FBXL7: variants seen among roughly 807,000 people sequenced by gnomAD.
FBXL7 encodes F-box and leucine rich repeat protein 7.
Under a neutral mutation model 38.3 loss-of-function variants are expected in FBXL7, and 12 were observed. The ratio of observed to expected loss-of-function variants is 0.31; its 90% confidence interval spans 0.20 to 0.51. FBXL7 has a LOEUF of 0.51. Ranked by LOEUF, FBXL7 falls within the 20% of genes least tolerant of loss-of-function variation. The pLI, the probability that FBXL7 is intolerant of heterozygous loss-of-function variation, is 0.98. For synonymous variants in FBXL7, 297 were observed against 300.9 expected (o/e 0.99, Z 0.13); for missense variants, 567 against 676.4 (o/e 0.84, Z 1.79).
At chr5:15,639,690 C>A (rs1741297163) in intron 2 of FBXL7, among the ~76,000 whole-genome samples, 1 of 151,898 alleles carries the variant, frequency 6.6e-6, no homozygotes, top group South Asian at 2.1e-4. Context: ...GCTTCTCTTG[C>A]AAGTTATTGC....
intron 2 of FBXL7, among the ~76,000 whole-genome samples, chr5:15,921,254 G>A (rs867175692): frequency 2.0e-5 from 3 of 151,712 alleles, no homozygotes; most frequent in African/African-American, 4.8e-5. Context: ...GGTGGTGTGC[G>A]CCTGTAGTCC....
At chr5:15,875,682 C>T (rs1055186204) in intron 2 of FBXL7, among the ~76,000 whole-genome samples, 1 of 152,116 alleles carries the variant, frequency 6.6e-6, no homozygotes, top group African/African-American at 2.4e-5. Flanking sequence ...TAGAGAAATG[C>T]AAATCAAAAC....
intron 2 of FBXL7, among the ~76,000 whole-genome samples, chr5:15,924,137 A>G (rs921232848): frequency 2.1e-4 from 32 of 152,180 alleles, no homozygotes; most frequent in African/African-American, 7.5e-4. Flanking sequence ...GCAGTTTTGA[A>G]GTCCAAAATT....
intron 2 of FBXL7, among the ~76,000 whole-genome samples, chr5:15,798,212 A>G (rs925593926): frequency 1.3e-5 from 2 of 152,154 alleles, no homozygotes; most frequent in Non-Finnish European, 2.9e-5. Context: ...CTGATCAGCA[A>G]ACATATCTGT....
chr5:15,729,786 G>T (rs1735523286), intron 2 of FBXL7, among the ~76,000 whole-genome samples: 1 of 152,128 alleles, frequency 6.6e-6, no homozygotes, highest in South Asian at 2.1e-4. Context: ...TGTGCGTCAG[G>T]CAGCATCATA....
intron 2 of FBXL7, among the ~76,000 whole-genome samples, chr5:15,714,765 C>T (rs192148576): frequency 1.4e-5 from 2 of 146,162 alleles, no homozygotes; most frequent in East Asian, 4.2e-4. Flanking sequence ...AGGAGAATGG[C>T]ATGAACCTGG....
intron 2 of FBXL7, among the ~76,000 whole-genome samples, chr5:15,660,132 A>G (rs979238232): frequency 3.9e-5 from 6 of 152,166 alleles, no homozygotes; most frequent in Non-Finnish European, 8.8e-5. Context: ...TCCATCAGCA[A>G]CGGTGTCCCC....
At chr5:15,521,791 C>A (rs1319038703) in intron 1 of FBXL7, among the ~76,000 whole-genome samples, 1 of 152,170 alleles carries the variant, frequency 6.6e-6, no homozygotes, top group Non-Finnish European at 1.5e-5. Context: ...TCTTCTCCTG[C>A]GTGTACTTAA....
chr5:15,658,582 G>C (rs561855756), intron 2 of FBXL7, among the ~76,000 whole-genome samples: 1 of 152,238 alleles, frequency 6.6e-6, no homozygotes, highest in South Asian at 2.1e-4. Flanking sequence ...TGGGAGCATC[G>C]GGAGACTCAT....
intron 2 of FBXL7, among the ~76,000 whole-genome samples, chr5:15,706,777 T>C (rs546860561): frequency 3.3e-5 from 5 of 152,284 alleles, no homozygotes; most frequent in African/African-American, 9.6e-5. Flanking sequence ...AATGGGTGGA[T>C]AGTACTGCTT....
At chr5:15,865,060 T>C (rs1291518846) in intron 2 of FBXL7, among the ~76,000 whole-genome samples, 1 of 152,202 alleles carries the variant, frequency 6.6e-6, no homozygotes, top group Non-Finnish European at 1.5e-5. Context: ...GGATTCTCTT[T>C]ACATGATGGG....
At position 15,500,655 on chromosome 5, in the gene FBXL7, C is replaced by G; in HGVS notation, c.-22C>G. ...CGCAGCTATGGAGTGTCCCGGGAGA[C>G]GGCGGGCATGACGGCTACAGGATGG... On this transcript the variant is annotated 5_prime_UTR_variant, in exon 1 of 4. Coordinates refer to ENST00000504595, the MANE Select transcript of FBXL7 (RefSeq NM_012304.5). The G allele has an allele frequency of 6.2e-7, 1 of 1,613,304 alleles. No individual in the cohort carries two copies. The highest frequency in any genetic ancestry group is 1.1e-5 in the South Asian group (1 of 91,068).
Position 15,790,909 on chromosome 5 carries a change from A to G in FBXL7, c.128-136981A>G, listed in dbSNP as rs74913702. 7.0e-3 allele frequency among the ~76,000 whole-genome samples: 1,072 copies of G among 152,268 alleles called. 8 individuals are homozygous for G. The highest frequency in any genetic ancestry group is 0.024 in the African/African-American group (1,012 of 41,546). Reference sequence around the variant, plus strand: ...GGAAGATAAGATTAAATAAAATTAAACAGGCTTGTAGTCAAGCTTCTTAAA... The same window carrying G: ...GGAAGATAAGATTAAATAAAATTAAGCAGGCTTGTAGTCAAGCTTCTTAAA... On this transcript the variant is annotated intron_variant, in intron 2 of 3. Transcript: ENST00000504595.
intron 2 of FBXL7, among the ~76,000 whole-genome samples, chr5:15,845,602 GTAGAT>G (rs1171708026): frequency 2.0e-5 from 3 of 152,072 alleles, no homozygotes; most frequent in Non-Finnish European, 4.4e-5. Flanking sequence ...CATATTAAAA[GTAGAT>G]TAAACATTAT....
At chr5:15,507,169 C>CA (rs1356487160) in intron 1 of FBXL7, among the ~76,000 whole-genome samples, 4 of 151,932 alleles carry the variant, frequency 2.6e-5, no homozygotes, top group Non-Finnish European at 4.4e-5. Flanking sequence ...TAAGATATCT[C>CA]AAAAAATCAC....
intron 1 of FBXL7, among the ~76,000 whole-genome samples, chr5:15,575,599 T>G (rs925979336): frequency 1.3e-5 from 2 of 152,188 alleles, no homozygotes; most frequent in African/African-American, 2.4e-5. Flanking sequence ...AATAAGTGAG[T>G]GTTCCTTTAC....
At chr5:15,619,604 T>G (rs1441534732) in intron 2 of FBXL7, among the ~76,000 whole-genome samples, 1 of 152,232 alleles carries the variant, frequency 6.6e-6, no homozygotes, top group African/African-American at 2.4e-5. Flanking sequence ...GAGCTTCTCA[T>G]GATTTTTTCA....
At chr5:15,612,900 A>T (rs1740301287) in intron 1 of FBXL7, among the ~76,000 whole-genome samples, 1 of 152,218 alleles carries the variant, frequency 6.6e-6, no homozygotes, top group Admixed American at 6.5e-5. Context: ...TTTGAAAGAC[A>T]GTTTAATCTC....
At chr5:15,818,745 AGAGAG>A in intron 2 of FBXL7, among the ~76,000 whole-genome samples, 1 of 22,626 alleles carries the variant, frequency 4.4e-5, no homozygotes, top group Non-Finnish European at 1.2e-4. Flanking sequence ...TGTGTGTGTG[AGAGAG>A]AGAGAGATTT....
Sources: gnomAD v4.1 joint callset for allele counts (sites outside exome capture counted in the v4.1 genomes callset) on GRCh38, gnomAD v4.1.1 for gene constraint, MANE v1.5 for transcripts, NCBI Gene and HGNC (gene_info 2026-07-23, HGNC 2026-07-21) for gene names.